PAK5: variants seen among roughly 807,000 people sequenced by gnomAD.
PAK5 encodes p21 (RAC1) activated kinase 5, also known as serine/threonine-protein kinase PAK 5.
A neutral mutation model predicts 65.9 loss-of-function variants in PAK5; 16 were observed. The observed-to-expected ratio is 0.24, with a 90% CI of 0.16 to 0.37. The LOEUF is 0.37. Ranked by LOEUF, PAK5 falls within the 10% of genes least tolerant of loss-of-function variation. The pLI is 1.00. For synonymous variants in PAK5, 371 were observed against 354.9 expected (o/e 1.05, Z -0.51); for missense variants, 785 against 903.9 (o/e 0.87, Z 1.69).
intron 1 of PAK5, among the ~76,000 whole-genome samples, chr20:9,754,374 C>T (rs368555763): frequency 2.6e-5 from 4 of 151,928 alleles, no homozygotes; most frequent in African/African-American, 4.8e-5. Flanking sequence ...ACTGATTGGT[C>T]GGGTCAGAGA....
At chr20:9,764,725 T>C (rs1423794054) in intron 1 of PAK5, among the ~76,000 whole-genome samples, 5 of 152,230 alleles carry the variant, frequency 3.3e-5, no homozygotes, top group African/African-American at 1.2e-4. Context: ...CAGTTTCTTC[T>C]ATTTTCTGAG....
chr20:9,654,565 T>G (rs1230738612), intron 2 of PAK5, among the ~76,000 whole-genome samples: 1 of 152,142 alleles, frequency 6.6e-6, no homozygotes, highest in Non-Finnish European at 1.5e-5. Context: ...CAAGCAGTTT[T>G]CCACCCTGTA....
intron 2 of PAK5, among the ~76,000 whole-genome samples, chr20:9,653,745 C>T (rs1213990581): frequency 2.6e-5 from 4 of 152,120 alleles, no homozygotes; most frequent in Admixed American, 2.0e-4. Flanking sequence ...AATGTATTTT[C>T]TTACGGTTCT....
chr20:9,799,776 A>C (rs1195954130), intron 1 of PAK5, among the ~76,000 whole-genome samples: 1 of 150,316 alleles, frequency 6.7e-6, no homozygotes, highest in East Asian at 1.9e-4. Context: ...ATCTGTTACA[A>C]AAAAAAATGT....
intron 1 of PAK5, among the ~76,000 whole-genome samples, chr20:9,807,789 T>TAATAATAATAATAATAAA (rs764526093): frequency 2.0e-5 from 3 of 150,262 alleles, no homozygotes; most frequent in Non-Finnish European, 3.0e-5. Flanking sequence ...ATAATAATAA[T>TAATAATAATAATAATAAA]AAATCCAGTG....
intron 3 of PAK5, among the ~76,000 whole-genome samples, chr20:9,620,825 G>A (rs992177688): frequency 2.6e-5 from 4 of 152,042 alleles, no homozygotes; most frequent in African/African-American, 9.7e-5. Flanking sequence ...TCAGTCCCCA[G>A]GTGTAGTTTC....
chr20:9,761,318 T>A (rs1569076968), intron 1 of PAK5, among the ~76,000 whole-genome samples: 1 of 152,148 alleles, frequency 6.6e-6, no homozygotes, highest in South Asian at 2.1e-4. Context: ...GTGGTGATTA[T>A]TAAGAATCCC....
Position 9,786,990 on chromosome 20 carries a change from T to C in PAK5, c.-162+51772A>G, listed in dbSNP as rs540995180. 2.0e-5 allele frequency among the ~76,000 whole-genome samples: 3 copies of C among 152,300 alleles called. No homozygotes were observed. The East Asian group carries it at 5.8e-4, about 29-fold the overall frequency. On this transcript the variant is annotated intron_variant, in intron 1 of 9. Coordinates refer to ENST00000353224, the MANE Select transcript of PAK5 (RefSeq NM_177990.4). ...GGTACTTGCAAGGGATAAATTTAAG[T>C]ATTTCTGAATCACTCCTCATGCAGC...
chr20:9,605,791 G>A (rs1188143446), intron 3 of PAK5, among the ~76,000 whole-genome samples: 2 of 152,150 alleles, frequency 1.3e-5, no homozygotes, highest in African/African-American at 4.8e-5. Flanking sequence ...TCAGCCGGGT[G>A]TGGTGGCATG....
At chr20:9,757,510 C>A (rs907729820) in intron 1 of PAK5, among the ~76,000 whole-genome samples, 2 of 152,110 alleles carry the variant, frequency 1.3e-5, no homozygotes, top group African/African-American at 4.8e-5. Context: ...GATTTTAAAG[C>A]TCTGTTCTCT....
chr20:9,705,866 A>G (rs535403939), intron 2 of PAK5, among the ~76,000 whole-genome samples: 2 of 152,164 alleles, frequency 1.3e-5, no homozygotes, highest in Non-Finnish European at 2.9e-5. Context: ...ATGAACTACA[A>G]AAGTTTCCAT....
At chr20:9,616,237 G>T (rs529410007) in intron 3 of PAK5, among the ~76,000 whole-genome samples, 33 of 152,262 alleles carry the variant, frequency 2.2e-4, no homozygotes, top group African/African-American at 7.0e-4. Flanking sequence ...GTCAAATACA[G>T]TACACATGTT....
In PAK5 at chr20:9,563,004, G is replaced by A. The variant is rs757609679; in HGVS notation, c.1503C>T (p.Tyr501=). The A allele has an allele frequency of 1.2e-6, 2 of 1,613,144 alleles. No individual in the cohort carries two copies. The highest frequency in any genetic ancestry group is 1.3e-5 in the African/African-American group (1 of 74,790). Residue 501 remains tyrosine, a synonymous_variant, in exon 6 of 10, where the codon TAC becomes TAT. Transcript: ENST00000353224. ...ACATGTCAACCACATTGTCATGGTG[G>A]TAATCCCGCATGATCACGACCTGGG... ...LFNEVVIMRD[Y]HHDNVVDMYS... is the part of the protein sequence containing the mutation.
At chr20:9,597,925 G>A (rs2046299125) in intron 3 of PAK5, among the ~76,000 whole-genome samples, 1 of 152,224 alleles carries the variant, frequency 6.6e-6, no homozygotes, top group African/African-American at 2.4e-5. Context: ...CTGCCAACTT[G>A]CTGAATTGTG....
chr20:9,684,330 TGAA>T (rs1173017792), intron 2 of PAK5, among the ~76,000 whole-genome samples: 8 of 152,168 alleles, frequency 5.3e-5, no homozygotes, highest in Non-Finnish European at 1.2e-4. Flanking sequence ...GACTGGAGTA[TGAA>T]GAAGAAACTC....
chr20:9,783,185 C>T (rs1460732253), intron 1 of PAK5, among the ~76,000 whole-genome samples: 2 of 152,068 alleles, frequency 1.3e-5, no homozygotes, highest in African/African-American at 4.8e-5. Flanking sequence ...ATGCACCCAC[C>T]CTAGCCTCCC....
chr20:9,537,426 T>C lies in PAK5; in HGVS notation c.*2036A>G, dbSNP rs1354769649. ...ATTTATTTTTATTTGCAAATGCAGT[T>C]TCTGCCAATAGTTAGTGCTCACAAA... On this transcript the variant is annotated 3_prime_UTR_variant, in exon 10 of 10. Coordinates refer to ENST00000353224, the MANE Select transcript of PAK5 (RefSeq NM_177990.4). The C allele has an allele frequency of 9.8e-6, 2 of 204,070 alleles. No homozygotes were observed. Among genetic ancestry groups the C allele is most frequent in the Non-Finnish European group, 2.0e-5 (2 of 99,412 alleles). The allele number at this position is 204,070 out of a possible 1,614,324, so 12.6% of individuals were successfully genotyped here. A position where few individuals can be genotyped will look rare whatever the true frequency, so the allele number is the denominator to read the frequency against.
intron 1 of PAK5, among the ~76,000 whole-genome samples, chr20:9,815,139 C>G (rs116002217): frequency 6.6e-6 from 1 of 152,162 alleles, no homozygotes; most frequent in Admixed American, 6.6e-5. Context: ...CTCTCTCCTT[C>G]GAGAATGGCA....
chr20:9,739,356 C>G (rs142100723), intron 1 of PAK5, among the ~76,000 whole-genome samples: 275 of 151,932 alleles, frequency 1.8e-3, no homozygotes, highest in Non-Finnish European at 3.2e-3. Flanking sequence ...TTTAATCTCT[C>G]TTGTTATACA....
Sources: allele counts gnomAD v4.1 joint callset (sites outside exome capture counted in the v4.1 genomes callset), GRCh38; gene constraint gnomAD v4.1.1; transcripts MANE v1.5; gene names NCBI Gene and HGNC (gene_info 2026-07-23, HGNC 2026-07-21).